Variants in GNG12 observed in about 807,000 individuals in gnomAD.
GNG12 encodes G protein subunit gamma 12.
For synonymous variants in GNG12, 28 were observed against 29.7 expected (o/e 0.94, Z 0.19); for missense variants, 69 against 83.8 (o/e 0.82, Z 0.69).
intron 2 of GNG12, among the ~76,000 whole-genome samples, chr1:67,733,505 C>T (rs1293785922): frequency 1.3e-5 from 2 of 152,132 alleles, no homozygotes; most frequent in Non-Finnish European, 2.9e-5. Context: ...TCTGCAATTG[C>T]ATTTTTCACT....
At chr1:67,756,228 T>C (rs1474024143) in intron 2 of GNG12, among the ~76,000 whole-genome samples, 1 of 152,150 alleles carries the variant, frequency 6.6e-6, no homozygotes, top group Admixed American at 6.5e-5. Context: ...GAAGAGTATC[T>C]GAACACAAAG....
chr1:67,787,747 C>T (rs1368575956), intron 1 of GNG12, among the ~76,000 whole-genome samples: 1 of 152,230 alleles, frequency 6.6e-6, no homozygotes, highest in Admixed American at 6.5e-5. Context: ...GCCTTATTCA[C>T]AACCCTAAGA....
At chr1:67,749,619 C>T (rs570414813) in intron 2 of GNG12, among the ~76,000 whole-genome samples, 1 of 152,286 alleles carries the variant, frequency 6.6e-6, no homozygotes, top group South Asian at 2.1e-4. Flanking sequence ...CAGAGGCAGC[C>T]TGCACGACAG....
At chr1:67,743,534 C>T (rs1646493958) in intron 2 of GNG12, among the ~76,000 whole-genome samples, 1 of 152,066 alleles carries the variant, frequency 6.6e-6, no homozygotes, top group Admixed American at 6.5e-5. Context: ...CCGTGACAGG[C>T]CAGAATGCCT....
rs918303222 is a variant in GNG12, at chr1:67,751,229, G to A, written c.-27+26229C>T. Among the ~76,000 whole-genome samples the A allele has an allele frequency of 2.7e-4, 40 of 149,274 alleles. 1 individual carries two copies. The highest frequency in any genetic ancestry group is 2.1e-3 in the Admixed American group (31 of 14,982). On this transcript the variant is annotated intron_variant, in intron 2 of 3. Coordinates refer to ENST00000370982, the MANE Select transcript of GNG12 (RefSeq NM_018841.6). ...CACACACACGTGCATATACACACACGTTTTAAAATGCATTCTGGGCCACTA... is the reference window on the plus strand; with the variant it reads ...CACACACACGTGCATATACACACACATTTTAAAATGCATTCTGGGCCACTA...
chr1:67,798,210 C>T (rs1646843284), intron 1 of GNG12, among the ~76,000 whole-genome samples: 1 of 152,182 alleles, frequency 6.6e-6, no homozygotes, highest in South Asian at 2.1e-4. Flanking sequence ...GCAGTACCAC[C>T]TGAACTCTGC....
chr1:67,761,617 C>T (rs561839866), intron 2 of GNG12, among the ~76,000 whole-genome samples: 2 of 152,234 alleles, frequency 1.3e-5, no homozygotes, highest in East Asian at 3.9e-4. Context: ...CCTGCAAGGT[C>T]AAGTGCAGGT....
At chr1:67,785,249 T>A (rs750780304) in intron 1 of GNG12, among the ~76,000 whole-genome samples, 1 of 152,190 alleles carries the variant, frequency 6.6e-6, no homozygotes, top group Non-Finnish European at 1.5e-5. Flanking sequence ...AAATTTACTA[T>A]AACAATGGCT....
chr1:67,773,076 G>C lies in GNG12; in HGVS notation c.-27+4382C>G, dbSNP rs970412463. On this transcript the variant is annotated intron_variant, in intron 2 of 3. Coordinates refer to ENST00000370982, the MANE Select transcript of GNG12 (RefSeq NM_018841.6). ...GCCATCCTAATCATATAAGTCAAGA[G>C]ACTAGTTTAAATTATATTTCTGTTG... Among the ~76,000 whole-genome samples, 6 of 152,298 alleles carry C rather than the reference G, an allele frequency of 3.9e-5. No homozygotes were observed. The East Asian group carries it at 1.2e-3, about 29-fold the overall frequency.
intron 2 of GNG12, among the ~76,000 whole-genome samples, chr1:67,770,361 A>C (rs1425467767): frequency 6.6e-6 from 1 of 152,158 alleles, no homozygotes; most frequent in East Asian, 1.9e-4. Context: ...TTTGATATGC[A>C]TCTCCCTCAG....
chr1:67,830,193 T>C lies in GNG12; in HGVS notation c.-77+3151A>G, dbSNP rs1321037554. The stretch of plus-strand genomic sequence containing the variant: ...GTTTATTTTGTATTTTTAGTAGAGA[T>C]GGGGTTTCTCCATGTGGGTCAGGCT... On this transcript the variant is annotated intron_variant, in intron 1 of 3. Coordinates refer to ENST00000370982, the MANE Select transcript of GNG12 (RefSeq NM_018841.6). 3.3e-5 allele frequency among the ~76,000 whole-genome samples: 5 copies of C among 152,120 alleles called. No individual in the cohort carries two copies. The South Asian group carries it at 8.3e-4, about 25-fold the overall frequency.
chr1:67,791,046 A>G (rs370964131), intron 1 of GNG12, among the ~76,000 whole-genome samples: 1 of 152,198 alleles, frequency 6.6e-6, no homozygotes, highest in East Asian at 1.9e-4. Flanking sequence ...CTAAAACTGA[A>G]ATGTTCATAG....
intron 2 of GNG12, among the ~76,000 whole-genome samples, chr1:67,770,099 C>T (rs972312083): frequency 6.6e-6 from 1 of 152,138 alleles, no homozygotes; most frequent in African/African-American, 2.4e-5. Flanking sequence ...TCCACCACCT[C>T]AAGATGTAAC....
In GNG12 at chr1:67,705,333, G is replaced by A; in HGVS notation, c.*118C>T. ...GAGACTTCAGAGTCCATTATTCCAA[G>A]CTGAGAACATTTTAGTTATTAGCAG... On this transcript the variant is annotated 3_prime_UTR_variant, in exon 4 of 4. Coordinates refer to ENST00000370982, the MANE Select transcript of GNG12 (RefSeq NM_018841.6). 6.8e-7 allele frequency: 1 copy of A among 1,470,174 alleles called. No homozygotes were observed. Among genetic ancestry groups the A allele is most frequent in the Admixed American group, 2.3e-5 (1 of 43,328 alleles). 91.1% of individuals were successfully genotyped at this position (1,470,174 alleles called of 1,614,324 possible). A position where few individuals can be genotyped will look rare whatever the true frequency, so the allele number is the denominator to read the frequency against.
intron 2 of GNG12, among the ~76,000 whole-genome samples, chr1:67,749,335 A>T (rs1282830855): frequency 6.6e-6 from 1 of 152,176 alleles, no homozygotes; most frequent in African/African-American, 2.4e-5. Flanking sequence ...TTAAGATAAC[A>T]GTATTAGGAG....
chr1:67,732,671 A>G (rs1374470567), intron 2 of GNG12, among the ~76,000 whole-genome samples: 1 of 152,080 alleles, frequency 6.6e-6, no homozygotes, highest in Non-Finnish European at 1.5e-5. Context: ...CTATTATCAC[A>G]CCTCATCACT....
At chr1:67,732,578 C>T (rs946992497) in intron 2 of GNG12, among the ~76,000 whole-genome samples, 5 of 152,218 alleles carry the variant, frequency 3.3e-5, no homozygotes, top group African/African-American at 4.8e-5. Context: ...GTGGCAGGTC[C>T]CATAGCTCAC....
intron 2 of GNG12, among the ~76,000 whole-genome samples, chr1:67,741,844 C>A (rs1319639322): frequency 1.3e-5 from 2 of 152,146 alleles, no homozygotes; most frequent in Non-Finnish European, 2.9e-5. Flanking sequence ...GGAGTTTTCA[C>A]ATAAAAATCC....
intron 2 of GNG12, among the ~76,000 whole-genome samples, chr1:67,716,383 A>G (rs189646078): frequency 3.3e-5 from 5 of 152,374 alleles, no homozygotes; most frequent in African/African-American, 9.6e-5. Context: ...AATAAAGATA[A>G]TAAGTTATAA....
Sources: gnomAD v4.1 joint callset for allele counts (sites outside exome capture counted in the v4.1 genomes callset) on GRCh38, gnomAD v4.1.1 for gene constraint, MANE v1.5 for transcripts, NCBI Gene and HGNC (gene_info 2026-07-23, HGNC 2026-07-21) for gene names.